RNF180: variants seen among roughly 807,000 people sequenced by gnomAD.
The protein encoded by RNF180 is E3 ubiquitin-protein ligase RNF180.
A neutral mutation model predicts 59.2 loss-of-function variants in RNF180; 38 were observed. The ratio of observed to expected loss-of-function variants is 0.64; its 90% CI spans 0.50 to 0.84. The LOEUF (loss-of-function observed/expected upper bound fraction) is 0.84. Among genes scored for constraint, RNF180 ranks in the 40% least tolerant of loss-of-function variants. The pLI is 0.00. For synonymous variants in RNF180, 262 were observed against 240.3 expected, an observed-to-expected ratio of 1.09 and a Z score of -0.84; for missense variants, 705 against 700.9, an observed-to-expected ratio of 1.01 and a Z score of -0.07.
chr5:64,282,977 T>C (rs944681794), intron 5 of RNF180, among the ~76,000 whole-genome samples: 1 of 152,186 alleles, frequency 6.6e-6, no homozygotes, highest in Non-Finnish European at 1.5e-5. Context: ...CATGTTCTGT[T>C]GTTTTGGGGT....
chr5:64,293,689 T>C (rs1742729459), intron 5 of RNF180, among the ~76,000 whole-genome samples: 1 of 151,998 alleles, frequency 6.6e-6, no homozygotes, highest in Non-Finnish European at 1.5e-5. Context: ...TTTGGAAAGT[T>C]GGGTAATAGG....
chr5:64,243,730 T>A (rs557691632), intron 5 of RNF180, among the ~76,000 whole-genome samples: 1 of 152,270 alleles, frequency 6.6e-6, no homozygotes, highest in Admixed American at 6.5e-5. Flanking sequence ...ATCACAGTGC[T>A]CAAGCTCTGC....
intron 5 of RNF180, among the ~76,000 whole-genome samples, chr5:64,248,792 A>G (rs1324331738): frequency 6.6e-6 from 1 of 152,214 alleles, no homozygotes; most frequent in East Asian, 1.9e-4. Context: ...TTCTATAAAG[A>G]CACATGCACA....
At chr5:64,206,849 A>G (rs1416169006) in intron 2 of RNF180, among the ~76,000 whole-genome samples, 1 of 152,198 alleles carries the variant, frequency 6.6e-6, no homozygotes, top group Non-Finnish European at 1.5e-5. Flanking sequence ...AGCCCTCGCC[A>G]GAGCCAGAAC....
intron 7 of RNF180, among the ~76,000 whole-genome samples, chr5:64,357,799 C>T (rs1297230071): frequency 2.6e-5 from 4 of 151,628 alleles, no homozygotes; most frequent in South Asian, 2.1e-4. Context: ...AATCATATTC[C>T]GTAGCGAAAA....
intron 5 of RNF180, among the ~76,000 whole-genome samples, chr5:64,319,540 T>C (rs970511693): frequency 1.3e-5 from 2 of 152,234 alleles, no homozygotes; most frequent in East Asian, 1.9e-4. Flanking sequence ...CTTTGTGCCT[T>C]TTCTATAAAC....
chr5:64,293,292 G>A (rs184555631), intron 5 of RNF180, among the ~76,000 whole-genome samples: 1 of 152,138 alleles, frequency 6.6e-6, no homozygotes, highest in African/African-American at 2.4e-5. Flanking sequence ...TTCTTCATGG[G>A]TTGAGTTGTC....
At chr5:64,326,184 A>G (rs1293911626) in intron 6 of RNF180, among the ~76,000 whole-genome samples, 2 of 152,136 alleles carry the variant, frequency 1.3e-5, no homozygotes, top group Non-Finnish European at 2.9e-5. Flanking sequence ...CCTCAAGGAA[A>G]TACAAGGACC....
intron 1 of RNF180, among the ~76,000 whole-genome samples, chr5:64,191,494 A>G (rs1280806463): frequency 6.6e-6 from 1 of 152,204 alleles, no homozygotes; most frequent in Non-Finnish European, 1.5e-5. Flanking sequence ...ATACAAGGTG[A>G]TGAGACTGCT....
At chr5:64,165,475 C>T (rs1179321101), upstream of RNF180, among the ~76,000 whole-genome samples, 4 of 152,190 alleles carry the variant, frequency 2.6e-5, no homozygotes, top group Non-Finnish European at 5.9e-5. Context: ...GTGGATGGGA[C>T]GCCGGCCTAA....
rs1751973388 is a variant in RNF180, at chr5:64,205,564, GC to G, written c.135+4624del. Among the ~76,000 whole-genome samples, 2 of 152,146 alleles carry G rather than the reference GC, an allele frequency of 1.3e-5. 1 individual carries two copies. Among genetic ancestry groups the G allele is most frequent in the South Asian group, 4.1e-4 (2 of 4,824 alleles). ...GTTTTGGACATGTGAAGTTTATGTG[GC>G]CTGTAGAATATTCAAATATTTTAGG... is the stretch of plus-strand genomic sequence containing the variant. On this transcript the variant is annotated intron_variant, in intron 2 of 7. Transcript: ENST00000389100.
At chr5:64,268,054 GAA>G (rs917483651) in intron 5 of RNF180, among the ~76,000 whole-genome samples, 1 of 152,106 alleles carries the variant, frequency 6.6e-6, no homozygotes, top group African/African-American at 2.4e-5. Flanking sequence ...CACAGTTTAA[GAA>G]ACCTTGATTT....
intron 5 of RNF180, among the ~76,000 whole-genome samples, chr5:64,274,884 G>A (rs995554952): frequency 3.9e-5 from 6 of 151,942 alleles, no homozygotes; most frequent in African/African-American, 1.4e-4. Context: ...ATTAGCACTG[G>A]AGAAATACTT....
chr5:64,183,484 A>G (rs1199458900), intron 1 of RNF180, among the ~76,000 whole-genome samples: 1 of 99,022 alleles, frequency 1.0e-5, no homozygotes, highest in Non-Finnish European at 1.8e-5. Context: ...GTCTCTCTCT[A>G]TTGCCCAAGC....
intron 1 of RNF180, among the ~76,000 whole-genome samples, chr5:64,169,952 G>T (rs1179437005): frequency 2.0e-5 from 3 of 152,214 alleles, no homozygotes; most frequent in Admixed American, 6.5e-5. Flanking sequence ...ATGCCTCTTG[G>T]CAGTGTTCTC....
intron 1 of RNF180, among the ~76,000 whole-genome samples, chr5:64,177,920 C>T (rs908400210): frequency 1.3e-5 from 2 of 151,992 alleles, no homozygotes; most frequent in Admixed American, 6.6e-5. Context: ...AAAAGGCTGC[C>T]TGGGGCTGGG....
At chr5:64,267,733 A>G (rs1038983829) in intron 5 of RNF180, among the ~76,000 whole-genome samples, 1 of 152,184 alleles carries the variant, frequency 6.6e-6, no homozygotes, top group Non-Finnish European at 1.5e-5. Flanking sequence ...AAAACTCATG[A>G]TATAGTAATA....
chr5:64,353,748 A>G (rs1745908221), intron 7 of RNF180, among the ~76,000 whole-genome samples: 1 of 151,858 alleles, frequency 6.6e-6, no homozygotes, highest in Non-Finnish European at 1.5e-5. Flanking sequence ...GATACATTTT[A>G]AAAGATTGAA....
chr5:64,370,959 ACT>A lies in RNF180; in HGVS notation c.*1151_*1152del, dbSNP rs576374289. On this transcript the variant is annotated 3_prime_UTR_variant, in exon 8 of 8. Coordinates refer to ENST00000389100, the MANE Select transcript of RNF180 (RefSeq NM_001113561.2). Reference sequence around the variant, plus strand: ...AGCAAACTTTTACATAAAATAGGTGACTCTCTCGTGGCACTAAAAATACTACC... The same window carrying A: ...AGCAAACTTTTACATAAAATAGGTGACTCTCGTGGCACTAAAAATACTACC... 2.5e-4 allele frequency: 38 copies of A among 151,670 alleles called. No homozygotes were observed. The highest frequency in any genetic ancestry group is 8.4e-4 in the African/African-American group (35 of 41,452). 9.4% of individuals were successfully genotyped at this position (151,670 alleles called of 1,614,324 possible).
Sources: gnomAD v4.1 joint callset for allele counts (sites outside exome capture counted in the v4.1 genomes callset) on GRCh38, gnomAD v4.1.1 for gene constraint, MANE v1.5 for transcripts, NCBI Gene and HGNC (gene_info 2026-07-23, HGNC 2026-07-21) for gene names.